Variants in MICU2 observed in about 807,000 individuals in gnomAD.
MICU2 encodes the protein mitochondrial calcium uptake 2.
A neutral mutation model predicts 60.4 loss-of-function variants in MICU2; 64 were observed. The observed-to-expected ratio is 1.06, with a 90% confidence interval of 0.87 to 1.31. The LOEUF is 1.31. Among genes scored for constraint, MICU2 ranks in the 50% most tolerant of loss-of-function variants. The pLI is 0.00. For synonymous variants in MICU2, 201 were observed against 175.0 expected, an observed-to-expected ratio of 1.15 and a Z score of -1.17; for missense variants, 569 against 531.0, an observed-to-expected ratio of 1.07 and a Z score of -0.70.
intron 7 of MICU2, among the ~76,000 whole-genome samples, chr13:21,511,606 T>C (rs577228662): frequency 1.3e-5 from 2 of 152,300 alleles, no homozygotes; most frequent in East Asian, 3.9e-4. Context: ...TGGTGAAATA[T>C]CACAACTTGA....
At chr13:21,508,121 C>CTTCT (rs1319246775) in intron 8 of MICU2, among the ~76,000 whole-genome samples, 1 of 149,360 alleles carries the variant, frequency 6.7e-6, no homozygotes, top group African/African-American at 2.5e-5. Context: ...GTTCAAGGCT[C>CTTCT]TTCTTTCTTT....
At chr13:21,531,376 C>G (rs868623429) in intron 4 of MICU2, 3 of 1,198,208 alleles carry the variant, frequency 2.5e-6, no homozygotes, top group Middle Eastern at 2.8e-4. Context: ...ATTAAGGGAC[C>G]CTGCAGGAGT....
intron 2 of MICU2, among the ~76,000 whole-genome samples, chr13:21,557,885 GTTTA>G (rs1261223259): frequency 2.0e-5 from 3 of 152,082 alleles, no homozygotes; most frequent in Non-Finnish European, 1.5e-5. Context: ...TTTAATCATG[GTTTA>G]TTTTAGTTCT....
intron 1 of MICU2, among the ~76,000 whole-genome samples, chr13:21,573,480 G>C (rs1888159488): frequency 6.6e-6 from 1 of 152,080 alleles, no homozygotes; most frequent in South Asian, 2.1e-4. Flanking sequence ...CACCGTCTTA[G>C]CCAGGATGGT....
intron 1 of MICU2, among the ~76,000 whole-genome samples, chr13:21,602,395 G>A (rs969924759): frequency 3.3e-5 from 5 of 152,248 alleles, no homozygotes; most frequent in Non-Finnish European, 7.4e-5. Context: ...GATGGCGGGC[G>A]CCTGTAGTCC....
Position 21,566,950 on chromosome 13 carries a change from AG to A in MICU2, c.211-7del. ...ATTCCATGTTCAACATTTTTCTAAA[AG>A]AAAAATAAATTGCAATTGAAGATTT... is the stretch of plus-strand genomic sequence containing the variant. On this transcript the variant is annotated splice_polypyrimidine_tract_variant and splice_region_variant and intron_variant, in intron 1 of 11. Transcript: ENST00000382374. 1 of 1,590,128 alleles carries A rather than the reference AG, an allele frequency of 6.3e-7. No individual in the cohort carries two copies. The highest frequency in any genetic ancestry group is 2.2e-5 in the East Asian group (1 of 44,708).
intron 4 of MICU2, among the ~76,000 whole-genome samples, chr13:21,526,267 T>C (rs1886853855): frequency 6.6e-6 from 1 of 151,922 alleles, no homozygotes; most frequent in African/African-American, 2.4e-5. Context: ...CTGTCTCTTA[T>C]GTCTCTCTTA....
intron 1 of MICU2, among the ~76,000 whole-genome samples, chr13:21,580,503 T>G (rs1454341229): frequency 6.7e-6 from 1 of 150,086 alleles, no homozygotes. Context: ...AGCAGACATT[T>G]GTAGACTAGA....
intron 1 of MICU2, among the ~76,000 whole-genome samples, chr13:21,577,901 CT>C (rs1232534057): frequency 4.6e-5 from 7 of 151,070 alleles, no homozygotes; most frequent in African/African-American, 1.7e-4. Flanking sequence ...ATCACTTGAG[CT>C]TACGAGTTCA....
At chr13:21,554,191 ATC>A (rs940744276) in intron 2 of MICU2, among the ~76,000 whole-genome samples, 31 of 152,322 alleles carry the variant, frequency 2.0e-4, no homozygotes, top group Admixed American at 1.6e-3. Context: ...CCTAATAGAC[ATC>A]TACAGAACTC....
At chr13:21,502,867 A>T (rs1886210267) in intron 9 of MICU2, 59 bp downstream of exon 9, 2 of 1,483,808 alleles carry the variant, frequency 1.3e-6, no homozygotes, top group Non-Finnish European at 1.8e-6. Context: ...TACTTTATGT[A>T]AACATGTCTA....
In MICU2 at chr13:21,544,532, A is replaced by AAAAAAAAAAAAAAC. The variant is rs560934524; in HGVS notation, c.359-4845_359-4844insGTTTTTTTTTTTTT. On this transcript the variant is annotated intron_variant, in intron 2 of 11. Transcript: ENST00000382374. ...TAAACACATGAAAAAAAAAAAAAAAAAACTCAATACCACTGATCATCAGGG... is the reference window on the plus strand; with the variant it reads ...TAAACACATGAAAAAAAAAAAAAAAAAAAAAAAAAAAAACAACTCAATACCACTGATCATCAGGG... Among the ~76,000 whole-genome samples the AAAAAAAAAAAAAAC allele has an allele frequency of 1.4e-4, 19 of 132,590 alleles. 1 individual carries two copies. Among genetic ancestry groups the AAAAAAAAAAAAAAC allele is most frequent in the African/African-American group, 3.2e-4 (12 of 36,986 alleles). 87.0% of individuals were successfully genotyped at this position (132,590 alleles called of 152,430 possible).
intron 1 of MICU2, among the ~76,000 whole-genome samples, chr13:21,594,653 A>G (rs983900824): frequency 1.6e-4 from 25 of 152,258 alleles, no homozygotes; most frequent in Non-Finnish European, 3.7e-4. Flanking sequence ...GACAGATTGA[A>G]TAAAGAAAAT....
At chr13:21,497,386 A>C (rs909192776) in intron 9 of MICU2, among the ~76,000 whole-genome samples, 8 of 151,966 alleles carry the variant, frequency 5.3e-5, no homozygotes, top group African/African-American at 1.9e-4. Context: ...ATAAATAAAA[A>C]AGTTAAAAGA....
chr13:21,534,548 G>C (rs1172722673), intron 4 of MICU2, among the ~76,000 whole-genome samples: 2 of 152,020 alleles, frequency 1.3e-5, no homozygotes, highest in Admixed American at 6.6e-5. Context: ...ATAAATTATT[G>C]AAAGTTTTAA....
At position 21,510,914 on chromosome 13, in the gene MICU2, A is replaced by C. The variant is rs1021266386; in HGVS notation, c.664-813T>G. ...CAATAAGTAGATTAACAGGGTGAGAAGACAACCCTGAGACAAGTCATGGCA... is the reference window on the plus strand; with the variant it reads ...CAATAAGTAGATTAACAGGGTGAGACGACAACCCTGAGACAAGTCATGGCA... On this transcript the variant is annotated intron_variant, in intron 7 of 11. Transcript: ENST00000382374. Among the ~76,000 whole-genome samples, 5 of 151,854 alleles carry C rather than the reference A, an allele frequency of 3.3e-5. No homozygotes were observed. In the South Asian group the frequency reaches 1.0e-3, roughly 31 times the overall value.
At chr13:21,517,353 T>C (rs747322646) in intron 6 of MICU2, among the ~76,000 whole-genome samples, 1 of 152,206 alleles carries the variant, frequency 6.6e-6, no homozygotes, top group South Asian at 2.1e-4. Context: ...ACATATATGG[T>C]GGGGAGAGCA....
chr13:21,578,688 A>G (rs1301808157), intron 1 of MICU2, among the ~76,000 whole-genome samples: 1 of 152,220 alleles, frequency 6.6e-6, no homozygotes, highest in African/African-American at 2.4e-5. Flanking sequence ...TTACTGAAAT[A>G]TCTTTAGATA....
rs375556501 is a variant in MICU2 at position 21,502,415 on chromosome 13, T to C, written c.933+511A>G. 5.3e-5 allele frequency among the ~76,000 whole-genome samples: 8 copies of C among 152,180 alleles called. No homozygotes were observed. In the South Asian group the frequency reaches 1.7e-3, roughly 32 times the overall value. On this transcript the variant is annotated intron_variant, in intron 9 of 11. Coordinates refer to ENST00000382374, the MANE Select transcript of MICU2 (RefSeq NM_152726.3). The stretch of plus-strand genomic sequence containing the variant: ...TCATTTCATACATCTCGTATATATA[T>C]ACACACACATATGCATGTCATTACA...
Sources: allele counts gnomAD v4.1 joint callset (sites outside exome capture counted in the v4.1 genomes callset), GRCh38; gene constraint gnomAD v4.1.1; transcripts MANE v1.5; gene names NCBI Gene and HGNC (gene_info 2026-07-23, HGNC 2026-07-21).